Variants in NEGR1 observed in about 807,000 individuals in gnomAD.
NEGR1 encodes neuronal growth regulator 1.
Under a neutral mutation model 40.9 loss-of-function variants are expected in NEGR1, and 10 were observed. The observed-to-expected ratio is 0.24, with a 90% CI of 0.15 to 0.42. The LOEUF (loss-of-function observed/expected upper bound fraction) is 0.42. Ranked by LOEUF, NEGR1 falls within the 10% of genes least tolerant of loss-of-function variation. The pLI is 1.00. For missense variants in NEGR1, 352 were observed against 438.9 expected (o/e 0.80, Z 1.77); for synonymous variants, 185 against 166.8 (o/e 1.11, Z -0.84).
rs1646271732 is a variant in NEGR1 at position 71,405,340 on chromosome 1, A to G, written c.*2106T>C. ...CTCCCAAACAATGGTACTGATGGTT[A>G]ACATTTTTTGTGGTAGCACCACTAT... is the stretch of plus-strand genomic sequence containing the variant. On this transcript the variant is annotated 3_prime_UTR_variant, in exon 7 of 7. Transcript: ENST00000357731. 1.3e-5 allele frequency: 2 copies of G among 152,288 alleles called. No homozygotes were observed. Among genetic ancestry groups the G allele is most frequent in the African/African-American group, 4.8e-5 (2 of 41,430 alleles). The allele number at this position is 152,288 out of a possible 1,614,324, so 9.4% of individuals were successfully genotyped here.
In NEGR1 at chr1:71,827,548, G is replaced by A. The variant is rs185793766; in HGVS notation, c.410-51251C>T. ...ACAAAAAAAGAGAAGAATAGGACCAGTATTTGCTGAATCCCTTTCCTCAGT... is the reference window on the plus strand; with the variant it reads ...ACAAAAAAAGAGAAGAATAGGACCAATATTTGCTGAATCCCTTTCCTCAGT... On this transcript the variant is annotated intron_variant, in intron 2 of 6. Transcript: ENST00000357731. Among the ~76,000 whole-genome samples the A allele has an allele frequency of 5.6e-3, 855 of 151,966 alleles. 6 individuals carry two copies. Among genetic ancestry groups the A allele is most frequent in the African/African-American group, 0.019 (799 of 41,506 alleles).
At chr1:71,848,143 G>T (rs1006646437) in intron 2 of NEGR1, among the ~76,000 whole-genome samples, 3 of 152,162 alleles carry the variant, frequency 2.0e-5, no homozygotes, top group African/African-American at 7.2e-5. Flanking sequence ...AGAGAAAAAA[G>T]TTGGAAGCTA....
At chr1:71,699,878 T>C (rs1653624658) in intron 3 of NEGR1, among the ~76,000 whole-genome samples, 1 of 151,886 alleles carries the variant, frequency 6.6e-6, no homozygotes, top group South Asian at 2.1e-4. Context: ...GATGGGTTTA[T>C]CAGGGGTTTC....
chr1:72,183,900 ATGGGAAAGCAGGT>A (rs950400704), intron 1 of NEGR1, among the ~76,000 whole-genome samples: 5 of 152,074 alleles, frequency 3.3e-5, no homozygotes, highest in Non-Finnish European at 7.4e-5. Flanking sequence ...GAAAATACTG[ATGGGAAAGCAGGT>A]TGGAAGAGAG....
chr1:71,852,976 T>C (rs1236540619), intron 2 of NEGR1, among the ~76,000 whole-genome samples: 1 of 152,058 alleles, frequency 6.6e-6, no homozygotes, highest in African/African-American at 2.4e-5. Context: ...GAGATTTCAA[T>C]GTGTGGTATA....
chr1:71,809,198 T>C (rs1657894993), intron 2 of NEGR1, among the ~76,000 whole-genome samples: 1 of 152,180 alleles, frequency 6.6e-6, no homozygotes, highest in Admixed American at 6.6e-5. Flanking sequence ...TGTGCCCTTG[T>C]GGAAAGTGGT....
chr1:71,497,711 G>C (rs1367622821), intron 6 of NEGR1, among the ~76,000 whole-genome samples: 2 of 151,982 alleles, frequency 1.3e-5, no homozygotes, highest in African/African-American at 2.4e-5. Flanking sequence ...AACTTAAAAG[G>C]CTTATTTAAT....
intron 2 of NEGR1, among the ~76,000 whole-genome samples, chr1:71,830,098 A>G (rs1398555438): frequency 6.6e-6 from 1 of 151,924 alleles, no homozygotes; most frequent in East Asian, 1.9e-4. Flanking sequence ...TGGGGCCCCT[A>G]TAGATCAAGA....
intron 1 of NEGR1, among the ~76,000 whole-genome samples, chr1:72,216,400 T>TATATATATATAC (rs1491047650): frequency 0.024 from 2,872 of 121,872 alleles, 113 homozygotes; most frequent in African/African-American, 0.096. Flanking sequence ...TATATATATA[T>TATATATATATAC]ACATATATAT....
intron 2 of NEGR1, among the ~76,000 whole-genome samples, chr1:71,886,470 A>T (rs532525212): frequency 8.4e-4 from 127 of 151,636 alleles, no homozygotes; most frequent in African/African-American, 2.9e-3. Context: ...AAAAAAAAAA[A>T]CAAAGGAAGG....
At chr1:72,182,234 C>A (rs911660270) in intron 1 of NEGR1, among the ~76,000 whole-genome samples, 6 of 152,114 alleles carry the variant, frequency 3.9e-5, no homozygotes, top group Non-Finnish European at 5.9e-5. Context: ...TGGCTTTTGC[C>A]TGTAATCCCA....
rs1646280976 is a variant in NEGR1, at chr1:71,406,867, A to G, written c.*579T>C. 1 of 152,522 alleles carries G rather than the reference A, an allele frequency of 6.6e-6. No individual in the cohort carries two copies. The highest frequency in any genetic ancestry group is 1.5e-5 in the Non-Finnish European group (1 of 67,948). The allele number at this position is 152,522 out of a possible 1,614,324, so 9.4% of individuals were successfully genotyped here. Reference sequence around the variant, plus strand: ...TGCTGAACTTACAGGAAAGAGAAGCAGAGCTGCACAGCCAGTTATATTACA... The same window carrying G: ...TGCTGAACTTACAGGAAAGAGAAGCGGAGCTGCACAGCCAGTTATATTACA... On this transcript the variant is annotated 3_prime_UTR_variant, in exon 7 of 7. Coordinates refer to ENST00000357731, the MANE Select transcript of NEGR1 (RefSeq NM_173808.3).
rs375164980 is a variant in NEGR1 at position 71,560,200 on chromosome 1, T to A, written c.940+32617A>T. On this transcript the variant is annotated intron_variant, in intron 6 of 6. Coordinates refer to ENST00000357731, the MANE Select transcript of NEGR1 (RefSeq NM_173808.3). ...GATCCTGAGAGATATTAAAGACATC[T>A]ATTCTTATAGTTTCCACTTAAAGAT... Among the ~76,000 whole-genome samples the A allele has an allele frequency of 1.9e-4, 29 of 151,218 alleles. 2 individuals carry two copies. The highest frequency in any genetic ancestry group is 1.3e-3 in the Admixed American group (20 of 15,096).
At chr1:71,704,368 T>C (rs1557620658) in intron 3 of NEGR1, among the ~76,000 whole-genome samples, 1 of 151,950 alleles carries the variant, frequency 6.6e-6, no homozygotes, top group Non-Finnish European at 1.5e-5. Context: ...GCTGGTTCTT[T>C]AAAAGATCAC....
intron 1 of NEGR1, among the ~76,000 whole-genome samples, chr1:72,112,212 C>CT (rs370637197): frequency 0.43 from 61,801 of 145,370 alleles, 13,033 homozygotes; most frequent in East Asian, 0.49. Flanking sequence ...ATTTTCTTCA[C>CT]TTTTTTTTTT....
intron 1 of NEGR1, among the ~76,000 whole-genome samples, chr1:72,017,933 A>T (rs1231744715): frequency 6.6e-6 from 1 of 152,166 alleles, no homozygotes; most frequent in Non-Finnish European, 1.5e-5. Context: ...TTCCAAAATT[A>T]TACTCATCTA....
intron 1 of NEGR1, among the ~76,000 whole-genome samples, chr1:72,071,781 T>C (rs1201097237): frequency 2.0e-5 from 3 of 152,098 alleles, no homozygotes; most frequent in African/African-American, 7.2e-5. Flanking sequence ...TTGGAAACCC[T>C]AACCTTTTTT....
intron 2 of NEGR1, among the ~76,000 whole-genome samples, chr1:71,812,878 T>A (rs542157909): frequency 6.6e-6 from 1 of 152,138 alleles, no homozygotes; most frequent in African/African-American, 2.4e-5. Context: ...CTGATGATAG[T>A]TTCTTTTGTT....
intron 3 of NEGR1, among the ~76,000 whole-genome samples, chr1:71,728,271 A>C (rs1654738267): frequency 6.6e-6 from 1 of 152,154 alleles, no homozygotes; most frequent in African/African-American, 2.4e-5. Context: ...TCCAGAAGTA[A>C]GAGACATGTG....
Sources: allele counts gnomAD v4.1 joint callset (sites outside exome capture counted in the v4.1 genomes callset), GRCh38; gene constraint gnomAD v4.1.1; transcripts MANE v1.5; gene names NCBI Gene and HGNC (gene_info 2026-07-23, HGNC 2026-07-21).